The following TGFBR3L variants were observed in gnomAD, a reference collection of about 807,000 sequenced individuals.
TGFBR3L encodes transforming growth factor-beta receptor type 3-like protein.
A neutral mutation model predicts 20.4 loss-of-function variants in TGFBR3L; 21 were observed. The ratio of observed to expected loss-of-function variants is 1.03; its 90% CI spans 0.73 to 1.48. TGFBR3L has a LOEUF of 1.48. TGFBR3L is among the 40% of genes most tolerant of loss of function. The pLI, the probability that TGFBR3L is intolerant of heterozygous loss-of-function variation, is 0.00. For synonymous variants in TGFBR3L, 245 were observed against 244.2 expected (o/e 1.00, Z -0.03); for missense variants, 479 against 498.0 (o/e 0.96, Z 0.36).
At position 7,918,974 on chromosome 19, in the gene TGFBR3L, G is replaced by T. The variant is rs899499954; in HGVS notation, c.*63G>T. 4 of 398,464 alleles carry T rather than the reference G, an allele frequency of 1.0e-5. No individual in the cohort carries two copies. Among genetic ancestry groups the T allele is most frequent in the Non-Finnish European group, 1.8e-5 (4 of 226,088 alleles). 24.7% of individuals were successfully genotyped at this position (398,464 alleles called of 1,614,324 possible). A position where few individuals can be genotyped will look rare whatever the true frequency, so the allele number is the denominator to read the frequency against. ...CACCCAGCTACCAATTCGGGACCAG[G>T]ACCAACAGGACCGGACCCGCCTCCC... On this transcript the variant is annotated 3_prime_UTR_variant, in exon 6 of 6. Coordinates refer to ENST00000565886, the MANE Select transcript of TGFBR3L (RefSeq NM_001195259.2).
Position 7,917,705 on chromosome 19 carries a change from G to A in TGFBR3L, c.729G>A (p.Pro243=), listed in dbSNP as rs1174820891. Reference sequence around the variant, plus strand: ...TCAGCGTGGCACTTCCCACAGGGCCGCCCAAGAGTGTCCCCGGCCGTGCAG... The same window carrying A: ...TCAGCGTGGCACTTCCCACAGGGCCACCCAAGAGTGTCCCCGGCCGTGCAG... The change falls in exon 4 of 6, where the codon CCG becomes CCA. Residue 243 remains proline, a synonymous_variant. Transcript: ENST00000565886. 5.6e-6 allele frequency: 8 copies of A among 1,424,138 alleles called. No individual in the cohort carries two copies. Among genetic ancestry groups the A allele is most frequent in the Non-Finnish European group, 7.3e-6 (8 of 1,096,538 alleles). 88.2% of individuals were successfully genotyped at this position (1,424,138 alleles called of 1,614,324 possible).
At chr19:7,918,215 GT>G (rs1055844057) in intron 5 of TGFBR3L, 86 bp downstream of exon 6, 10 of 1,372,588 alleles carry the variant, frequency 7.3e-6, no homozygotes, top group African/African-American at 5.9e-5. Context: ...AGGCACTGTG[GT>G]TTTTTTGTTT....
intron 5 of TGFBR3L, 145 bp downstream of exon 6, chr19:7,918,274 T>C: frequency 4.6e-6 from 5 of 1,091,758 alleles, no homozygotes; most frequent in Non-Finnish European, 6.5e-6. Context: ...TTCGCTCTTG[T>C]TGCCCAGGCG....
chr19:7,917,716 T>C lies in TGFBR3L; in HGVS notation c.740T>C (p.Val247Ala). 1 of 1,425,320 alleles carries C rather than the reference T, an allele frequency of 7.0e-7. No individual in the cohort carries two copies. The highest frequency in any genetic ancestry group is 3.0e-5 in the Admixed American group (1 of 32,896). 88.3% of individuals were successfully genotyped at this position (1,425,320 alleles called of 1,614,324 possible). The change falls in exon 4 of 6, where the codon GTC becomes GCC. Residue 247 changes from valine to alanine, a missense_variant. Coordinates refer to ENST00000565886, the MANE Select transcript of TGFBR3L (RefSeq NM_001195259.2). ...CTTCCCACAGGGCCGCCCAAGAGTG[T>C]CCCCGGCCGTGCAGTGCGCCCTGAG...
rs1983214213 is a variant in TGFBR3L, at chr19:7,915,061, G to A, written c.-1207G>A. Among the ~76,000 whole-genome samples, 1 of 152,006 alleles carries A rather than the reference G, an allele frequency of 6.6e-6. No homozygotes were observed. The highest frequency in any genetic ancestry group is 6.6e-5 in the Admixed American group (1 of 15,262). On this transcript the variant is annotated 5_prime_UTR_variant, in exon 1 of 6. Transcript: ENST00000565886. The stretch of plus-strand genomic sequence containing the variant: ...GCAATCTCCACTCACCGCAACCTCC[G>A]CCTCCCCGGTTCAAGTGATTCTCCT...
Position 7,918,072 on chromosome 19 carries a change from G to A in TGFBR3L, c.899G>A (p.Gly300Asp). ...TCCCTTCCAGCGCCCCACGCCCCTG[G>A]CCCGCCCGCGAGAGCCTCGCCCAGC... is the stretch of plus-strand genomic sequence containing the variant. The change falls in exon 5 of 6, where the codon GGC becomes GAC. Residue 300 changes from glycine (G) to aspartate (D), a missense_variant. Transcript: ENST00000565886. 1 of 1,535,678 alleles carries A rather than the reference G, an allele frequency of 6.5e-7. No individual in the cohort carries two copies. Among genetic ancestry groups the A allele is most frequent in the Non-Finnish European group, 8.7e-7 (1 of 1,146,710 alleles).
rs926635856 is a variant in TGFBR3L, at chr19:7,915,482, C to T, written c.-786C>T. On this transcript the variant is annotated 5_prime_UTR_variant, in exon 1 of 6. Coordinates refer to ENST00000565886, the MANE Select transcript of TGFBR3L (RefSeq NM_001195259.2). ...GCTCTTCAGAAGTGGGTGTGGTGTG[C>T]GGATGGACAAGGGGGCTCATGCCTG... Among the ~76,000 whole-genome samples the T allele has an allele frequency of 6.6e-6, 1 of 152,050 alleles. No homozygotes were observed. Among genetic ancestry groups the T allele is most frequent in the African/African-American group, 2.4e-5 (1 of 41,412 alleles).
chr19:7,916,960 C>T lies in TGFBR3L; in HGVS notation c.597+18C>T. The T allele has an allele frequency of 1.6e-6, 2 of 1,278,440 alleles. No homozygotes were observed. Among genetic ancestry groups the T allele is most frequent in the East Asian group, 3.2e-5 (1 of 31,118 alleles). 79.2% of individuals were successfully genotyped at this position (1,278,440 alleles called of 1,614,324 possible). ...CATCGCGGGTGCGCGGGCGCAGAGC[C>T]TGGAATCCGGGCGCTGGGGCCCTTC... On this transcript the variant is annotated intron_variant, in intron 2 of 5. Coordinates refer to ENST00000565886, the MANE Select transcript of TGFBR3L (RefSeq NM_001195259.2).
At chr19:7,917,642 G>T in intron 3 of TGFBR3L, 43 bp downstream of exon 4, 1 of 1,428,328 alleles carries the variant, frequency 7.0e-7, no homozygotes. Flanking sequence ...TGGGGCGGCA[G>T]AGCGGGTGGG....
rs536396733 is a variant in TGFBR3L at position 7,914,957 on chromosome 19, T to C, written c.-1311T>C. On this transcript the variant is annotated 5_prime_UTR_variant, in exon 1 of 6. Coordinates refer to ENST00000565886, the MANE Select transcript of TGFBR3L (RefSeq NM_001195259.2). ...GGGCAGGGAGGTGACGGGTCTGTCA[T>C]GCTTCTATCCCTGTTTCACCCTCTT... Among the ~76,000 whole-genome samples the C allele has an allele frequency of 5.3e-5, 8 of 152,304 alleles. No individual in the cohort carries two copies. In the South Asian group the frequency reaches 1.7e-3, roughly 32 times the overall value.
chr19:7,916,199 G>T lies in TGFBR3L; in HGVS notation c.-69G>T. The T allele has an allele frequency of 1.3e-6, 2 of 1,493,916 alleles. No homozygotes were observed. Among genetic ancestry groups the T allele is most frequent in the African/African-American group, 1.4e-5 (1 of 72,220 alleles). 92.5% of individuals were successfully genotyped at this position (1,493,916 alleles called of 1,614,324 possible). On this transcript the variant is annotated 5_prime_UTR_variant, in exon 1 of 6. Transcript: ENST00000565886. ...GCTCTGCAACCGGCTCAGTTGCTGG[G>T]CTGTGCGAGTCCCAGGGGTCGCCAG...
Position 7,917,538 on chromosome 19 carries a change from C to T in TGFBR3L, c.663C>T (p.Asp221=), listed in dbSNP as rs189917216. 8.2e-5 allele frequency: 125 copies of T among 1,521,562 alleles called. 1 individual carries two copies. The East Asian group carries it at 2.4e-3, about 30-fold the overall frequency. The allele number at this position is 1,521,562 out of a possible 1,614,324, so 94.3% of individuals were successfully genotyped here. A position where few individuals can be genotyped will look rare whatever the true frequency, so the allele number is the denominator to read the frequency against. The change falls in exon 3 of 6, where the codon GAC becomes GAT. Residue 221 remains aspartate, a synonymous_variant. Coordinates refer to ENST00000565886, the MANE Select transcript of TGFBR3L (RefSeq NM_001195259.2). ...GCAGCGCCGAGGGCCTGGCTGCTGA[C>T]GGCCCCCACCTGCACACGCTGACGC... is the stretch of plus-strand genomic sequence containing the variant.
intron 4 of TGFBR3L, 35 bp downstream of exon 5, chr19:7,917,894 C>A (rs1358918749): frequency 1.4e-6 from 2 of 1,381,718 alleles, no homozygotes; most frequent in Non-Finnish European, 1.9e-6. Context: ...GGCCCCCAGT[C>A]TAATCCCGCG....
Position 7,917,489 on chromosome 19 carries a change from A to G in TGFBR3L, c.614A>G (p.Glu205Gly). ...CTCCCCCAGTGTCTGCCTCAGGACG[A>G]GGCGTGCGCCGACACTGGCAGTGGC... The change falls in exon 3 of 6, where the codon GAG (glutamate) becomes GGG (glycine). Residue 205 changes from glutamate (E) to glycine (G), a missense_variant. Coordinates refer to ENST00000565886, the MANE Select transcript of TGFBR3L (RefSeq NM_001195259.2). 6.6e-7 allele frequency: 1 copy of G among 1,526,406 alleles called. No individual in the cohort carries two copies. The highest frequency in any genetic ancestry group is 8.7e-7 in the Non-Finnish European group (1 of 1,143,046). 94.6% of individuals were successfully genotyped at this position (1,526,406 alleles called of 1,614,324 possible). A position where few individuals can be genotyped will look rare whatever the true frequency, so the allele number is the denominator to read the frequency against.
At position 7,916,185 on chromosome 19, in the gene TGFBR3L, G is replaced by A. The variant is rs1983277174; in HGVS notation, c.-83G>A. ...TCTAGGGGCGCATGGCTCTGCAACC[G>A]GCTCAGTTGCTGGGCTGTGCGAGTC... On this transcript the variant is annotated 5_prime_UTR_variant, in exon 1 of 6. Transcript: ENST00000565886. 2 of 1,470,882 alleles carry A rather than the reference G, an allele frequency of 1.4e-6. No individual in the cohort carries two copies. Among genetic ancestry groups the A allele is most frequent in the Admixed American group, 2.3e-5 (1 of 44,274 alleles). The allele number at this position is 1,470,882 out of a possible 1,614,324, so 91.1% of individuals were successfully genotyped here.
At chr19:7,917,245 CA>C (rs1476434585) in intron 2 of TGFBR3L, among the ~76,000 whole-genome samples, 3 of 152,118 alleles carry the variant, frequency 2.0e-5, no homozygotes, top group Non-Finnish European at 4.4e-5. Context: ...AGACGCGGAC[CA>C]TGCGATCTTG....
chr19:7,916,701 C>CA lies in TGFBR3L; in HGVS notation c.356_357insA (p.Pro121AlafsTer8). On this transcript the variant is annotated frameshift_variant, in exon 2 of 6. Coordinates refer to ENST00000565886, the MANE Select transcript of TGFBR3L (RefSeq NM_001195259.2). LOFTEE classifies it high-confidence loss of function. ...GTGACGCCGTCCTCACGCCCGGCCC[C>CA]GGGGCCCGCCCTGGCTCTGCTGCGT... 1 of 1,448,170 alleles carries CA rather than the reference C, an allele frequency of 6.9e-7. No individual in the cohort carries two copies. The highest frequency in any genetic ancestry group is 9.0e-7 in the Non-Finnish European group (1 of 1,109,584). 89.7% of individuals were successfully genotyped at this position (1,448,170 alleles called of 1,614,324 possible). A position where few individuals can be genotyped will look rare whatever the true frequency, so the allele number is the denominator to read the frequency against.
chr19:7,918,628 G>C, intron 5 of TGFBR3L: 1 of 336,758 alleles, frequency 3.0e-6, no homozygotes, highest in Admixed American at 4.8e-5. Flanking sequence ...TTTTAGAGAC[G>C]AGAATGATGA....
chr19:7,916,093 C>T lies in TGFBR3L; in HGVS notation c.-175C>T. Reference sequence around the variant, plus strand: ...GCTCTGACTTCACCCAGCCGGACCCCACCATCGGGTGCTCCTCACCGCTTC... The same window carrying T: ...GCTCTGACTTCACCCAGCCGGACCCTACCATCGGGTGCTCCTCACCGCTTC... On this transcript the variant is annotated 5_prime_UTR_variant, in exon 1 of 6. Transcript: ENST00000565886. The T allele has an allele frequency of 7.6e-7, 1 of 1,312,752 alleles. No homozygotes were observed. The highest frequency in any genetic ancestry group is 1.0e-6 in the Non-Finnish European group (1 of 991,308). The allele number at this position is 1,312,752 out of a possible 1,614,324, so 81.3% of individuals were successfully genotyped here. A position where few individuals can be genotyped will look rare whatever the true frequency, so the allele number is the denominator to read the frequency against.
Sources: allele counts gnomAD v4.1 joint callset (sites outside exome capture counted in the v4.1 genomes callset), GRCh38; gene constraint gnomAD v4.1.1; transcripts MANE v1.5; gene names NCBI Gene and HGNC (gene_info 2026-07-23, HGNC 2026-07-21).